MAGI2: variants seen among roughly 807,000 people sequenced by gnomAD.
MAGI2 encodes membrane-associated guanylate kinase, WW and PDZ domain-containing protein 2.
MAGI2 carries 35 observed loss-of-function variants against 133.3 expected under a neutral mutation model. That is an observed-to-expected ratio of 0.26 (90% CI 0.20 to 0.35). The LOEUF (loss-of-function observed/expected upper bound fraction) is 0.35. Ranked by LOEUF, MAGI2 falls within the 10% of genes least tolerant of loss-of-function variation. The probability of loss-of-function intolerance (pLI) is 1.00; values close to 1 mark genes in which losing one functional copy is unlikely to be tolerated. For missense variants in MAGI2, 1,636 were observed against 1,863.4 expected (o/e 0.88, Z 2.25); for synonymous variants, 729 against 710.6 (o/e 1.03, Z -0.41).
intron 1 of MAGI2, among the ~76,000 whole-genome samples, chr7:79,129,218 T>G (rs1820697680): frequency 6.6e-6 from 1 of 152,132 alleles, no homozygotes; most frequent in South Asian, 2.1e-4. Context: ...TTGGGTGAAA[T>G]CATATAACAC....
At chr7:79,137,738 C>T (rs572582806) in intron 1 of MAGI2, among the ~76,000 whole-genome samples, 10 of 152,146 alleles carry the variant, frequency 6.6e-5, no homozygotes, top group East Asian at 1.9e-4. Context: ...GCTGGGATTA[C>T]GGGCATAAGC....
chr7:78,266,734 C>T (rs748352607), intron 9 of MAGI2, among the ~76,000 whole-genome samples: 5 of 151,838 alleles, frequency 3.3e-5, no homozygotes, highest in Non-Finnish European at 7.4e-5. Context: ...CACGCCACTA[C>T]ACCAGGCTAA....
intron 6 of MAGI2, among the ~76,000 whole-genome samples, chr7:78,371,815 C>T (rs1793946168): frequency 6.6e-6 from 1 of 152,014 alleles, no homozygotes; most frequent in East Asian, 1.9e-4. Context: ...ACTATTATTT[C>T]ATGCTGAAAC....
At chr7:79,139,607 C>T (rs1821928076) in intron 1 of MAGI2, among the ~76,000 whole-genome samples, 2 of 152,076 alleles carry the variant, frequency 1.3e-5, no homozygotes, top group Non-Finnish European at 2.9e-5. Context: ...AGGAGTATTA[C>T]CCGTAGCTAA....
At chr7:78,272,043 C>T (rs1228376820) in intron 9 of MAGI2, among the ~76,000 whole-genome samples, 4 of 152,056 alleles carry the variant, frequency 2.6e-5, no homozygotes, top group Admixed American at 1.3e-4. Flanking sequence ...GTTAGGGTGT[C>T]GATTTTAGAT....
At chr7:79,236,077 C>G (rs938067995) in intron 1 of MAGI2, among the ~76,000 whole-genome samples, 1 of 152,188 alleles carries the variant, frequency 6.6e-6, no homozygotes, top group African/African-American at 2.4e-5. Flanking sequence ...TAGAAAAAGA[C>G]TAGCTTTGGA....
intron 2 of MAGI2, among the ~76,000 whole-genome samples, chr7:78,753,106 G>A (rs1823608029): frequency 4.6e-5 from 7 of 152,058 alleles, no homozygotes; most frequent in Admixed American, 4.6e-4. Flanking sequence ...GAAGAAACAA[G>A]AAAATATCAC....
In MAGI2 at chr7:78,639,887, G is replaced by A. The variant is rs1327275914; in HGVS notation, c.419-12648C>T. On this transcript the variant is annotated intron_variant, in intron 2 of 21. Transcript: ENST00000354212. The stretch of plus-strand genomic sequence containing the variant: ...GTGACTTGTTCAAATCAAATAATCA[G>A]CATTCTGATAAAAAAGAAAACATAA... Among the ~76,000 whole-genome samples, 5 of 152,082 alleles carry A rather than the reference G, an allele frequency of 3.3e-5. No homozygotes were observed. The East Asian group carries it at 9.6e-4, about 29-fold the overall frequency.
chr7:78,426,746 T>C (rs1799319363), intron 6 of MAGI2, among the ~76,000 whole-genome samples: 1 of 151,954 alleles, frequency 6.6e-6, no homozygotes, highest in Non-Finnish European at 1.5e-5. Flanking sequence ...CCAAATTTGG[T>C]GAAAAACATA....
At chr7:78,342,194 ACAT>A (rs1320620227) in intron 9 of MAGI2, among the ~76,000 whole-genome samples, 1 of 152,212 alleles carries the variant, frequency 6.6e-6, no homozygotes, top group Non-Finnish European at 1.5e-5. Context: ...CAGTCAACAA[ACAT>A]AAAAAAAGGC....
intron 20 of MAGI2, among the ~76,000 whole-genome samples, chr7:78,086,506 G>A (rs1049300588): frequency 6.7e-6 from 1 of 149,632 alleles, no homozygotes; most frequent in Non-Finnish European, 1.5e-5. Context: ...CAAAGTGCTG[G>A]GATTACAGGT....
intron 1 of MAGI2, among the ~76,000 whole-genome samples, chr7:79,260,733 C>A (rs563163378): frequency 2.6e-4 from 39 of 152,304 alleles, no homozygotes; most frequent in African/African-American, 7.5e-4. Context: ...CAATTACCTT[C>A]AGGCTATGCA....
At chr7:78,459,209 C>A (rs910217861) in intron 6 of MAGI2, among the ~76,000 whole-genome samples, 2 of 152,142 alleles carry the variant, frequency 1.3e-5, no homozygotes, top group Non-Finnish European at 2.9e-5. Flanking sequence ...GGCAAGGCAA[C>A]TTTTGAATAT....
intron 1 of MAGI2, among the ~76,000 whole-genome samples, chr7:79,385,924 C>T (rs1478679063): frequency 6.6e-6 from 1 of 151,730 alleles, no homozygotes; most frequent in East Asian, 1.9e-4. Flanking sequence ...TCTATGAATC[C>T]CATAACATTA....
chr7:78,784,254 G>T (rs555900805), intron 2 of MAGI2, among the ~76,000 whole-genome samples: 5 of 150,478 alleles, frequency 3.3e-5, no homozygotes, highest in African/African-American at 1.2e-4. Context: ...ATATCCCAAA[G>T]TATGGCATGT....
At chr7:78,303,620 A>G (rs1213566194) in intron 9 of MAGI2, among the ~76,000 whole-genome samples, 1 of 152,114 alleles carries the variant, frequency 6.6e-6, no homozygotes, top group Non-Finnish European at 1.5e-5. Flanking sequence ...TATTACCTTT[A>G]GTCTTCGTTC....
intron 3 of MAGI2, among the ~76,000 whole-genome samples, chr7:78,556,616 A>G (rs959980452): frequency 6.6e-6 from 1 of 152,170 alleles, no homozygotes. Context: ...AGCCCTGGGG[A>G]TGAAGTTGTC....
chr7:79,337,117 A>T (rs1840492890), intron 1 of MAGI2, among the ~76,000 whole-genome samples: 1 of 152,194 alleles, frequency 6.6e-6, no homozygotes, highest in South Asian at 2.1e-4. Context: ...TATACATAAC[A>T]TTTATTTTAA....
intron 2 of MAGI2, among the ~76,000 whole-genome samples, chr7:78,959,327 T>C (rs535905380): frequency 9.2e-5 from 14 of 152,244 alleles, no homozygotes; most frequent in African/African-American, 1.4e-4. Flanking sequence ...GAGTTAAGCA[T>C]TGTAGTGTGC....
Sources: allele counts gnomAD v4.1 joint callset (sites outside exome capture counted in the v4.1 genomes callset), GRCh38; gene constraint gnomAD v4.1.1; transcripts MANE v1.5; gene names NCBI Gene and HGNC (gene_info 2026-07-23, HGNC 2026-07-21).